The following COL6A6 variants were observed in gnomAD, a reference collection of about 807,000 sequenced individuals.
COL6A6 encodes collagen type VI alpha 6 chain.
Under a neutral mutation model 208.6 loss-of-function variants are expected in COL6A6, and 183 were observed. The observed-to-expected ratio is 0.88, with a 90% CI of 0.78 to 0.99. COL6A6 has a LOEUF of 0.99. Among genes scored for constraint, COL6A6 ranks in the 50% least tolerant of loss-of-function variants. The pLI, the probability that COL6A6 is intolerant of heterozygous loss-of-function variation, is 0.00. For missense variants in COL6A6, 2,816 were observed against 2,815.2 expected (o/e 1.00, Z -0.01); for synonymous variants, 973 against 1,011.8 (o/e 0.96, Z 0.73).
At chr3:130,621,945 A>G in intron 24 of COL6A6, 62 bp downstream of exon 24, 1 of 1,387,310 alleles carries the variant, frequency 7.2e-7, no homozygotes, top group Non-Finnish European at 1.0e-6. Flanking sequence ...ACTGTGTCTA[A>G]TTGTATTAGC....
rs568743813 is a variant in COL6A6, at chr3:130,662,048, G to A, written c.6242G>A (p.Arg2081Lys). Residue 2081 changes from arginine to lysine, a missense_variant, in exon 35 of 37, where the codon AGA becomes AAA. By Grantham distance (26) the Arg-to-Lys change is conservative. Transcript: ENST00000358511. ...TTTTTAAGTACACCCAATCTGAGAA[G>A]AAACAAAGTCATATTTGTGATATCT... Reference protein sequence around the residue: ...NVFLSTPNLRRNKVIFVISAG... With the variant: ...NVFLSTPNLRKNKVIFVISAG... 4 of 1,614,040 alleles carry A rather than the reference G, an allele frequency of 2.5e-6. No individual in the cohort carries two copies. In the South Asian group the frequency reaches 4.4e-5, roughly 18 times the overall value.
chr3:130,588,572 A>G (rs954187817), intron 11 of COL6A6, among the ~76,000 whole-genome samples: 3 of 152,214 alleles, frequency 2.0e-5, no homozygotes, highest in African/African-American at 2.4e-5. Flanking sequence ...TTGAAATCCT[A>G]TCAGAATTGC....
chr3:130,595,186 A>AG (rs2063819463), intron 18 of COL6A6, among the ~76,000 whole-genome samples: 1 of 152,156 alleles, frequency 6.6e-6, no homozygotes, highest in Non-Finnish European at 1.5e-5. Flanking sequence ...CCCATGTTAA[A>AG]GAAAAAAAAA....
intron 10 of COL6A6, among the ~76,000 whole-genome samples, chr3:130,586,103 T>A (rs1192649592): frequency 2.0e-5 from 3 of 152,220 alleles, no homozygotes; most frequent in Non-Finnish European, 4.4e-5. Flanking sequence ...CACAGGCATA[T>A]GCCACCATGC....
chr3:130,521,852 T>C (rs568479038), intron 1 of COL6A6, among the ~76,000 whole-genome samples: 1 of 152,310 alleles, frequency 6.6e-6, no homozygotes, highest in African/African-American at 2.4e-5. Flanking sequence ...GTATGAACCA[T>C]ACATTCCTCC....
intron 23 of COL6A6, among the ~76,000 whole-genome samples, chr3:130,613,833 T>C (rs1050722194): frequency 2.0e-5 from 3 of 152,226 alleles, no homozygotes; most frequent in Non-Finnish European, 4.4e-5. Context: ...TGTTGGTGTA[T>C]AGGAATGCTA....
chr3:130,662,789 T>C (rs2065969874), intron 35 of COL6A6, among the ~76,000 whole-genome samples: 1 of 152,188 alleles, frequency 6.6e-6, no homozygotes, highest in Non-Finnish European at 1.5e-5. Context: ...GGAGATACCA[T>C]TTTACCTGTC....
intron 23 of COL6A6, among the ~76,000 whole-genome samples, chr3:130,621,530 G>T (rs1227406252): frequency 6.6e-6 from 1 of 152,166 alleles, no homozygotes; most frequent in Non-Finnish European, 1.5e-5. Flanking sequence ...TAAGTGTTAG[G>T]CATTTTAACA....
chr3:130,671,170 T>C (rs1308046494), intron 36 of COL6A6, among the ~76,000 whole-genome samples: 1 of 152,196 alleles, frequency 6.6e-6, no homozygotes, highest in Non-Finnish European at 1.5e-5. Flanking sequence ...TTTTCCCTGC[T>C]TTTAGACTTA....
intron 1 of COL6A6, among the ~76,000 whole-genome samples, chr3:130,549,683 C>T (rs541201162): frequency 6.6e-6 from 1 of 152,086 alleles, no homozygotes; most frequent in South Asian, 2.1e-4. Flanking sequence ...TCAGCTTTGT[C>T]AAAGATCAGA....
At chr3:130,602,052 T>C (rs2108149745) in intron 20 of COL6A6, among the ~76,000 whole-genome samples, 2 of 152,118 alleles carry the variant, frequency 1.3e-5, no homozygotes, top group South Asian at 4.2e-4. Context: ...GGAGGCAAAA[T>C]GAGAAACTGG....
chr3:130,659,748 A>G (rs1206053817), intron 34 of COL6A6, among the ~76,000 whole-genome samples: 4 of 152,180 alleles, frequency 2.6e-5, no homozygotes, highest in African/African-American at 9.7e-5. Flanking sequence ...TCTCCATTTG[A>G]GCCTGTAGAA....
intron 36 of COL6A6, among the ~76,000 whole-genome samples, chr3:130,673,596 A>G (rs538620231): frequency 1.6e-4 from 25 of 152,276 alleles, no homozygotes; most frequent in African/African-American, 5.8e-4. Flanking sequence ...AGTGGAGCCA[A>G]TGTTCTATGC....
At chr3:130,589,846 C>T (rs1236307776) in intron 12 of COL6A6, 1 of 263,034 alleles carries the variant, frequency 3.8e-6, no homozygotes, top group Non-Finnish European at 7.7e-6. Context: ...GATTTCAATA[C>T]AGTTTGTTTA....
rs76735414 is a variant in COL6A6, at chr3:130,625,618, T to C, written c.4879-867T>C. 2.3e-3 allele frequency among the ~76,000 whole-genome samples: 343 copies of C among 152,128 alleles called. 7 individuals carry two copies. The East Asian group carries it at 0.047, about 21-fold the overall frequency. ...CTACAGACTGCCTGGCCAATACTTC[T>C]CAAAATGGTCAAGGTTATCAAAAAG... On this transcript the variant is annotated intron_variant, in intron 24 of 36. Coordinates refer to ENST00000358511, the MANE Select transcript of COL6A6 (RefSeq NM_001102608.3).
Position 130,577,417 on chromosome 3 carries a change from T to C in COL6A6, c.3547+2892T>C, listed in dbSNP as rs2063324121. Among the ~76,000 whole-genome samples, 3 of 152,354 alleles carry C rather than the reference T, an allele frequency of 2.0e-5. No individual in the cohort carries two copies. In the South Asian group the frequency reaches 6.2e-4, roughly 32 times the overall value. On this transcript the variant is annotated intron_variant, in intron 8 of 36. Coordinates refer to ENST00000358511, the MANE Select transcript of COL6A6 (RefSeq NM_001102608.3). ...ATATTGACATTATAAAGAACTAATATCTAAGTGTTGTGCTTCACCAATTAA... is the reference window on the plus strand; with the variant it reads ...ATATTGACATTATAAAGAACTAATACCTAAGTGTTGTGCTTCACCAATTAA...
At chr3:130,527,591 C>G (rs1337366991) in intron 1 of COL6A6, among the ~76,000 whole-genome samples, 4 of 152,220 alleles carry the variant, frequency 2.6e-5, no homozygotes, top group African/African-American at 9.7e-5. Flanking sequence ...GTAACTTTCC[C>G]AAGCAATGAT....
chr3:130,650,754 A>AT (rs57475182), intron 33 of COL6A6, among the ~76,000 whole-genome samples: 32,267 of 151,976 alleles, frequency 0.21, 4,898 homozygotes, highest in African/African-American at 0.43. Flanking sequence ...CTGCAAAATC[A>AT]TAGAGAAACT....
chr3:130,543,832 TTTC>T (rs1019864507), intron 1 of COL6A6, among the ~76,000 whole-genome samples: 89 of 152,208 alleles, frequency 5.8e-4, no homozygotes, highest in African/African-American at 2.1e-3. Context: ...ATACATAATT[TTTC>T]TTCTAAGTTT....
Sources: allele counts gnomAD v4.1 joint callset (sites outside exome capture counted in the v4.1 genomes callset), GRCh38; gene constraint gnomAD v4.1.1; transcripts MANE v1.5; gene names NCBI Gene and HGNC (gene_info 2026-07-23, HGNC 2026-07-21).